ALDH1A1: variants seen among roughly 807,000 people sequenced by gnomAD.
The protein encoded by ALDH1A1 is aldehyde dehydrogenase 1A1.
Under a neutral mutation model 62.1 loss-of-function variants are expected in ALDH1A1, and 19 were observed. The ratio of observed to expected loss-of-function variants is 0.31; its 90% CI spans 0.21 to 0.45. ALDH1A1 has a LOEUF of 0.45. Among genes scored for constraint, ALDH1A1 ranks in the 20% least tolerant of loss-of-function variants. ALDH1A1 has a pLI of 1.00. For synonymous variants in ALDH1A1, 231 were observed against 215.9 expected (o/e 1.07, Z -0.61); for missense variants, 521 against 607.1 (o/e 0.86, Z 1.49).
intron 2 of ALDH1A1, among the ~76,000 whole-genome samples, chr9:72,935,787 A>C (rs987157190): frequency 2.0e-5 from 3 of 152,140 alleles, no homozygotes; most frequent in Non-Finnish European, 2.9e-5. Flanking sequence ...CATTCTACTT[A>C]CAAATTAAAT....
rs201862815 is a variant in ALDH1A1, at chr9:72,930,956, T to A, written c.235A>T (p.Thr79Ser). 2.5e-6 allele frequency: 4 copies of A among 1,614,068 alleles called. No homozygotes were observed. In the East Asian group the frequency reaches 6.7e-5, roughly 27 times the overall value. Residue 79 changes from threonine to serine, a missense_variant, in exon 3 of 13, where the codon ACT (threonine) becomes TCT (serine). Coordinates refer to ENST00000297785, the MANE Select transcript of ALDH1A1 (RefSeq NM_000689.5). Reference sequence around the variant, plus strand: ...CGCCCCCTCTCGGAAGCATCCATAGTACGCCACGGGGATCCAATCTGAAAA... The same window carrying A: ...CGCCCCCTCTCGGAAGCATCCATAGAACGCCACGGGGATCCAATCTGAAAA... ...QAFQIGSPWRTMDASERGRLL... is the reference protein window; with the variant it reads ...QAFQIGSPWRSMDASERGRLL...
Position 72,918,613 on chromosome 9 carries a change from C to CTTTTTTTTTT in ALDH1A1, c.850+97_850+106dup, listed in dbSNP as rs3079046. Reference sequence around the variant, plus strand: ...TACACTTTGATGTTAGAAGCAAATGCTTTTTTTTTTTTTTTTTTTTTTTTG... The same window carrying CTTTTTTTTTT: ...TACACTTTGATGTTAGAAGCAAATGCTTTTTTTTTTTTTTTTTTTTTTTTTTTTTTTTTTG... On this transcript the variant is annotated intron_variant, in intron 8 of 12. Coordinates refer to ENST00000297785, the MANE Select transcript of ALDH1A1 (RefSeq NM_000689.5). The CTTTTTTTTTT allele has an allele frequency of 1.8e-5, 5 of 279,438 alleles. 1 individual carries two copies. Among genetic ancestry groups the CTTTTTTTTTT allele is most frequent in the African/African-American group, 3.8e-5 (1 of 26,330 alleles). The allele number at this position is 279,438 out of a possible 1,614,324, so 17.3% of individuals were successfully genotyped here.
intron 12 of ALDH1A1, among the ~76,000 whole-genome samples, chr9:72,904,569 A>T (rs959082452): frequency 6.6e-6 from 1 of 152,254 alleles, no homozygotes; most frequent in Non-Finnish European, 1.5e-5. Context: ...ACTGCCATTA[A>T]GTTTTCAACC....
At chr9:72,949,431 A>G (rs1272948011) in intron 1 of ALDH1A1, among the ~76,000 whole-genome samples, 1 of 151,888 alleles carries the variant, frequency 6.6e-6, no homozygotes, top group Non-Finnish European at 1.5e-5. Context: ...CTAGTGTGTT[A>G]GCTCAAACTG....
chr9:72,928,141 T>C (rs1242856999), intron 4 of ALDH1A1, among the ~76,000 whole-genome samples: 1 of 149,864 alleles, frequency 6.7e-6, no homozygotes, highest in African/African-American at 2.4e-5. Flanking sequence ...ATGCTCCAAT[T>C]GGATTGGAAG....
At chr9:72,942,296 G>A (rs1045836487) in intron 1 of ALDH1A1, 38 of 985,078 alleles carry the variant, frequency 3.9e-5, no homozygotes, top group Non-Finnish European at 4.6e-5. Context: ...TAATCAACTT[G>A]TCCCGAACTC....
At chr9:72,924,467 G>A (rs1290314023) in intron 6 of ALDH1A1, among the ~76,000 whole-genome samples, 3 of 152,212 alleles carry the variant, frequency 2.0e-5, no homozygotes, top group Admixed American at 6.5e-5. Flanking sequence ...TATGTAGAAA[G>A]TAAGTAACAT....
At chr9:72,922,575 A>G (rs1011489331) in intron 7 of ALDH1A1, among the ~76,000 whole-genome samples, 1 of 152,164 alleles carries the variant, frequency 6.6e-6, no homozygotes, top group African/African-American at 2.4e-5. Flanking sequence ...CACACAAAAA[A>G]TACACTAACA....
At chr9:72,915,006 T>A (rs1195333127) in intron 9 of ALDH1A1, among the ~76,000 whole-genome samples, 1 of 152,152 alleles carries the variant, frequency 6.6e-6, no homozygotes, top group Non-Finnish European at 1.5e-5. Context: ...GATGAATATT[T>A]AATGGTAAAG....
chr9:72,940,218 C>T lies in ALDH1A1; in HGVS notation c.101G>A (p.Ser34Asn), dbSNP rs767050672. 6 of 1,613,586 alleles carry T rather than the reference C, an allele frequency of 3.7e-6. No individual in the cohort carries two copies. The highest frequency in any genetic ancestry group is 5.1e-6 in the Non-Finnish European group (6 of 1,179,716). ...ATTAAAGACAGGAAATTTCTTGCCA[C>T]TCACTGAATCATGCCATTCATTGTT... ...FINNEWHDSVSGKKFPVFNPA... is the reference protein window; with the variant it reads ...FINNEWHDSVNGKKFPVFNPA... Residue 34 changes from serine (S) to asparagine (N), a missense_variant, in exon 2 of 13, where the codon AGT becomes AAT. By Grantham distance (46) the Ser-to-Asn change is conservative. Transcript: ENST00000297785.
At chr9:72,935,274 A>G (rs1051486422) in intron 2 of ALDH1A1, among the ~76,000 whole-genome samples, 2 of 152,200 alleles carry the variant, frequency 1.3e-5, no homozygotes, top group African/African-American at 4.8e-5. Flanking sequence ...ATTAAACAGA[A>G]AACAATTTGG....
intron 2 of ALDH1A1, among the ~76,000 whole-genome samples, chr9:72,936,124 G>A (rs918390370): frequency 5.9e-5 from 9 of 152,264 alleles, no homozygotes; most frequent in Admixed American, 1.3e-4. Context: ...AGATGTTAAT[G>A]AGCATCCTTG....
intron 8 of ALDH1A1, among the ~76,000 whole-genome samples, chr9:72,917,582 C>G (rs983531312): frequency 3.9e-5 from 6 of 151,962 alleles, no homozygotes; most frequent in Non-Finnish European, 5.9e-5. Flanking sequence ...CAAAATAAAA[C>G]AAAAACAACT....
intron 1 of ALDH1A1, among the ~76,000 whole-genome samples, chr9:72,946,453 T>A (rs1028793309): frequency 6.6e-6 from 1 of 151,852 alleles, no homozygotes. Context: ...AGAGATAATA[T>A]CAGAAAACCC....
At chr9:72,906,170 A>G in intron 11 of ALDH1A1, 138 bp from the exon 12 acceptor site, 1 of 592,806 alleles carries the variant, frequency 1.7e-6, no homozygotes, top group East Asian at 2.9e-5. Flanking sequence ...GATAAAAAAA[A>G]GTAGCACTAT....
chr9:72,903,387 C>T (rs1829831301), intron 12 of ALDH1A1, among the ~76,000 whole-genome samples: 1 of 152,118 alleles, frequency 6.6e-6, no homozygotes, highest in Middle Eastern at 3.4e-3. Flanking sequence ...GTCTGCATAA[C>T]ACCATTTTTC....
In ALDH1A1 at chr9:72,930,937, C is replaced by A; in HGVS notation, c.254G>T (p.Arg85Met). The A allele has an allele frequency of 6.2e-7, 1 of 1,614,084 alleles. No individual in the cohort carries two copies. The highest frequency in any genetic ancestry group is 8.5e-7 in the Non-Finnish European group (1 of 1,179,980). ...SPWRTMDASE[R>M]GRLLYKLADL... ...AGCCAACTTGTATAATAGTCGCCCC[C>A]TCTCGGAAGCATCCATAGTACGCCA... The change falls in exon 3 of 13, where the codon AGG becomes ATG. Residue 85 changes from arginine to methionine, a missense_variant. Physicochemically the swap from Arg to Met is moderately conservative, Grantham distance 91. Transcript: ENST00000297785.
chr9:72,945,275 G>A lies in ALDH1A1; in HGVS notation c.67-5023C>T, dbSNP rs563388381. Among the ~76,000 whole-genome samples, 9 of 151,952 alleles carry A rather than the reference G, an allele frequency of 5.9e-5. No homozygotes were observed. The East Asian group carries it at 1.7e-3, about 29-fold the overall frequency. Reference sequence around the variant, plus strand: ...TTTGGAGTCTGTGGGCTAAAGTGGGGAGCCCCTGACTCCTTGCAAAAGATA... The same window carrying A: ...TTTGGAGTCTGTGGGCTAAAGTGGGAAGCCCCTGACTCCTTGCAAAAGATA... On this transcript the variant is annotated intron_variant, in intron 1 of 12. Transcript: ENST00000297785.
At chr9:72,914,889 C>T (rs1830041205) in intron 9 of ALDH1A1, among the ~76,000 whole-genome samples, 1 of 151,972 alleles carries the variant, frequency 6.6e-6, no homozygotes, top group Admixed American at 6.6e-5. Flanking sequence ...AAGATTCCAT[C>T]ATTGTATTTA....
Sources: allele counts gnomAD v4.1 joint callset (sites outside exome capture counted in the v4.1 genomes callset), GRCh38; gene constraint gnomAD v4.1.1; transcripts MANE v1.5; gene names NCBI Gene and HGNC (gene_info 2026-07-23, HGNC 2026-07-21).